RAD51B: variants seen among roughly 807,000 people sequenced by gnomAD.
RAD51B encodes RAD51 paralog B.
Under a neutral mutation model 42.2 loss-of-function variants are expected in RAD51B, and 38 were observed. The observed-to-expected ratio is 0.90, with a 90% CI of 0.70 to 1.18. The LOEUF is 1.18. Among genes scored for constraint, RAD51B ranks in the 50% most tolerant of loss-of-function variants. RAD51B has a pLI of 0.00. For synonymous variants in RAD51B, 154 were observed against 145.2 expected, an observed-to-expected ratio of 1.06 and a Z score of -0.43; for missense variants, 373 against 400.7, an observed-to-expected ratio of 0.93 and a Z score of 0.59.
chr14:67,857,682 G>C (rs2042039910), intron 4 of RAD51B, among the ~76,000 whole-genome samples: 1 of 152,220 alleles, frequency 6.6e-6, no homozygotes, highest in South Asian at 2.1e-4. Context: ...AGAAAGGCTA[G>C]TCCTTTTTCC....
chr14:68,338,849 G>A (rs1036752511), intron 8 of RAD51B: 52 of 610,130 alleles, frequency 8.5e-5, no homozygotes, highest in African/African-American at 2.6e-4. Context: ...CGTATCTGTC[G>A]TAGTTGGTCC....
At chr14:68,390,117 AT>A (rs1453679038) in intron 8 of RAD51B, among the ~76,000 whole-genome samples, 1 of 152,164 alleles carries the variant, frequency 6.6e-6, no homozygotes, top group East Asian at 1.9e-4. Flanking sequence ...CTTACATAAC[AT>A]TTTGGAATCC....
intron 4 of RAD51B, among the ~76,000 whole-genome samples, chr14:67,849,395 C>T (rs2041729228): frequency 6.6e-6 from 1 of 152,190 alleles, no homozygotes; most frequent in South Asian, 2.1e-4. Flanking sequence ...AATTCTCCTG[C>T]CTCAGCCTCC....
chr14:68,461,738 A>C (rs1165282941), intron 9 of RAD51B, among the ~76,000 whole-genome samples: 2 of 152,202 alleles, frequency 1.3e-5, no homozygotes, highest in Non-Finnish European at 2.9e-5. Context: ...ACCAGCCCTC[A>C]CTTTAGGGGT....
At chr14:68,547,537 C>T (rs531678891) in intron 10 of RAD51B, among the ~76,000 whole-genome samples, 1 of 152,130 alleles carries the variant, frequency 6.6e-6, no homozygotes, top group Non-Finnish European at 1.5e-5. Context: ...CCTCAGCACC[C>T]GGGAGCATCA....
In RAD51B at chr14:68,261,722, C is replaced by G. The variant is rs34986569; in HGVS notation, c.757-30162C>G. ...TACAATCCCCACGTAAGATGTAACC[C>G]TCTATATTAGGTATTTTTAAATCCC... On this transcript the variant is annotated intron_variant, in intron 7 of 10. Coordinates refer to ENST00000471583, the MANE Select transcript of RAD51B (RefSeq NM_133510.4). Among the ~76,000 whole-genome samples the G allele has an allele frequency of 3.3e-5, 5 of 152,252 alleles. No homozygotes were observed. In the East Asian group the frequency reaches 5.8e-4, roughly 18 times the overall value.
chr14:68,498,582 A>G (rs372435656), intron 10 of RAD51B, among the ~76,000 whole-genome samples: 5 of 152,170 alleles, frequency 3.3e-5, no homozygotes, highest in African/African-American at 9.7e-5. Context: ...GCTACTTGTC[A>G]ACATCTGTGA....
chr14:68,644,989 A>C (rs1892536362), intron 10 of RAD51B, among the ~76,000 whole-genome samples: 2 of 152,210 alleles, frequency 1.3e-5, no homozygotes, highest in African/African-American at 4.8e-5. Context: ...CACTGTGTTA[A>C]AATACACATA....
intron 8 of RAD51B, among the ~76,000 whole-genome samples, chr14:68,365,136 T>A (rs1461056603): frequency 6.6e-6 from 1 of 152,148 alleles, no homozygotes; most frequent in East Asian, 1.9e-4. Context: ...AAAGTGACAG[T>A]GGAGGCTGAG....
intron 8 of RAD51B, among the ~76,000 whole-genome samples, chr14:68,344,416 G>A (rs1464162621): frequency 6.6e-6 from 1 of 152,170 alleles, no homozygotes; most frequent in Non-Finnish European, 1.5e-5. Context: ...GGGAGGCTGA[G>A]GTGGGTGGAT....
At chr14:67,910,460 T>C (rs989920091) in intron 7 of RAD51B, among the ~76,000 whole-genome samples, 3 of 131,496 alleles carry the variant, frequency 2.3e-5, no homozygotes, top group East Asian at 4.6e-4. Context: ...ATAAAAATAA[T>C]GTTTCACTGA....
chr14:68,673,031 T>G (rs1018052156), intron 11 of RAD51B, among the ~76,000 whole-genome samples: 18 of 152,254 alleles, frequency 1.2e-4, no homozygotes, highest in Non-Finnish European at 2.5e-4. Flanking sequence ...TTCACTCAAC[T>G]GTGCTGACTG....
chr14:68,170,277 T>C (rs963517800), intron 7 of RAD51B, among the ~76,000 whole-genome samples: 1 of 152,204 alleles, frequency 6.6e-6, no homozygotes, highest in African/African-American at 2.4e-5. Context: ...AGGCCTCATT[T>C]CCTATTTCTT....
intron 7 of RAD51B, among the ~76,000 whole-genome samples, chr14:68,290,796 T>TTTTA (rs74938557): frequency 5.7e-4 from 85 of 149,488 alleles, no homozygotes; most frequent in Middle Eastern, 3.4e-3. Flanking sequence ...ATTTATTTAT[T>TTTTA]TTTATTTATT....
chr14:68,495,562 G>A (rs141658292), intron 10 of RAD51B, among the ~76,000 whole-genome samples: 6 of 152,274 alleles, frequency 3.9e-5, no homozygotes, highest in Non-Finnish European at 5.9e-5. Context: ...GAAGGGAAAC[G>A]CAGTTGAAAA....
At chr14:68,348,470 C>T (rs1006019135) in intron 8 of RAD51B, among the ~76,000 whole-genome samples, 1 of 152,078 alleles carries the variant, frequency 6.6e-6, no homozygotes, top group Non-Finnish European at 1.5e-5. Flanking sequence ...ATGGTTTATG[C>T]AAGACTTGAT....
intron 9 of RAD51B, among the ~76,000 whole-genome samples, chr14:68,436,646 C>T (rs1311224396): frequency 2.0e-5 from 3 of 152,124 alleles, no homozygotes; most frequent in Admixed American, 2.0e-4. Flanking sequence ...TTATTCTAAT[C>T]CATGAACATG....
chr14:68,410,348 A>G (rs2084384059), intron 8 of RAD51B, among the ~76,000 whole-genome samples: 1 of 152,218 alleles, frequency 6.6e-6, no homozygotes, highest in Admixed American at 6.5e-5. Flanking sequence ...AGGCGTACAA[A>G]TCAGATGATG....
intron 4 of RAD51B, among the ~76,000 whole-genome samples, chr14:67,862,619 C>T (rs1459447900): frequency 2.0e-5 from 3 of 152,114 alleles, no homozygotes; most frequent in East Asian, 1.9e-4. Context: ...TCTTTAATTT[C>T]AATCCTTGCA....
Sources: allele counts gnomAD v4.1 joint callset (sites outside exome capture counted in the v4.1 genomes callset), GRCh38; gene constraint gnomAD v4.1.1; transcripts MANE v1.5; gene names NCBI Gene and HGNC (gene_info 2026-07-23, HGNC 2026-07-21).